KIF11: variants seen among roughly 807,000 people sequenced by gnomAD.
KIF11 encodes the protein kinesin-like protein KIF11.
KIF11 carries 9 observed loss-of-function variants against 121.0 expected under a neutral mutation model. The observed-to-expected ratio is 0.07, with a 90% CI of 0.04 to 0.13. KIF11 has a LOEUF of 0.13. Ranked by LOEUF, KIF11 falls within the 10% of genes least tolerant of loss-of-function variation. The pLI is 1.00. For missense variants in KIF11, 846 were observed against 1,217.5 expected, an observed-to-expected ratio of 0.69 and a Z score of 4.54; for synonymous variants, 408 against 421.0, an observed-to-expected ratio of 0.97 and a Z score of 0.38.
intron 1 of KIF11, among the ~76,000 whole-genome samples, chr10:92,600,608 A>T (rs1357354547): frequency 6.6e-6 from 1 of 151,854 alleles, no homozygotes; most frequent in African/African-American, 2.4e-5. Flanking sequence ...CCTGGGTTCA[A>T]GCGATTCTCC....
intron 9 of KIF11, among the ~76,000 whole-genome samples, chr10:92,620,618 C>A (rs1373236587): frequency 5.3e-5 from 8 of 152,176 alleles, no homozygotes; most frequent in African/African-American, 1.9e-4. Context: ...ATACCCGAGA[C>A]TGGGCAATTT....
intron 16 of KIF11, among the ~76,000 whole-genome samples, chr10:92,639,380 G>T (rs1349255402): frequency 6.6e-6 from 1 of 152,088 alleles, no homozygotes. Flanking sequence ...TTGAGGCTAG[G>T]AGTTCAAGAC....
intron 1 of KIF11, among the ~76,000 whole-genome samples, chr10:92,602,825 C>CATGT (rs1457102223): frequency 1.7e-4 from 21 of 122,438 alleles, no homozygotes; most frequent in East Asian, 7.0e-4. Flanking sequence ...CACACACACA[C>CATGT]GTGTGTGTGT....
intron 6 of KIF11, 69 bp downstream of exon 6, chr10:92,609,578 C>T: frequency 6.7e-7 from 1 of 1,497,124 alleles, no homozygotes. Context: ...TGGAGAAAGT[C>T]AAATTGGGGT....
intron 21 of KIF11, among the ~76,000 whole-genome samples, chr10:92,650,861 C>T (rs978257942): frequency 4.6e-5 from 7 of 152,020 alleles, no homozygotes; most frequent in African/African-American, 1.7e-4. Flanking sequence ...TATCTCTGCC[C>T]ATAATCAGAC....
chr10:92,649,955 G>A lies in KIF11; in HGVS notation c.2891G>A (p.Cys964Tyr), dbSNP rs1188675378. ...CCTGAGCTGTTAATGATGCTAAACT[G>A]TTCAGAAAACAACAAAGAAGAGACA... Reference protein sequence around the residue: ...KQPELLMMLNCSENNKEETIP... With the variant: ...KQPELLMMLNYSENNKEETIP... Residue 964 changes from cysteine (C) to tyrosine (Y), a missense_variant, in exon 20 of 22, where the codon TGT becomes TAT. Coordinates refer to ENST00000260731, the MANE Select transcript of KIF11 (RefSeq NM_004523.4). The A allele has an allele frequency of 1.4e-5, 23 of 1,611,742 alleles. No homozygotes were observed. The Admixed American group carries it at 3.3e-4, about 23-fold the overall frequency.
intron 1 of KIF11, among the ~76,000 whole-genome samples, chr10:92,594,075 T>C (rs1844264536): frequency 6.6e-6 from 1 of 152,208 alleles, no homozygotes; most frequent in South Asian, 2.1e-4. Flanking sequence ...CTCCCCTGAC[T>C]GGTTTCCAAA....
At chr10:92,637,107 TTAAGA>T in intron 14 of KIF11, 72 bp from the exon 15 acceptor site, 5 of 1,113,428 alleles carry the variant, frequency 4.5e-6, no homozygotes, top group Non-Finnish European at 6.3e-6. Flanking sequence ...ACCAAAGTAT[TTAAGA>T]TATCATTTAG....
chr10:92,639,717 T>C, intron 16 of KIF11, 77 bp from the exon 17 acceptor site: 2 of 766,500 alleles, frequency 2.6e-6, no homozygotes, highest in East Asian at 2.5e-5. Flanking sequence ...ACAATACTTC[T>C]TGTTTTGTTA....
At chr10:92,600,688 G>A (rs1164200768) in intron 1 of KIF11, among the ~76,000 whole-genome samples, 1 of 151,680 alleles carries the variant, frequency 6.6e-6, no homozygotes, top group Non-Finnish European at 1.5e-5. Context: ...TGTAGTTTTA[G>A]TAGAGACAGG....
intron 1 of KIF11, among the ~76,000 whole-genome samples, chr10:92,605,684 G>C (rs11812310): frequency 0.15 from 22,654 of 151,898 alleles, 3,594 homozygotes; most frequent in African/African-American, 0.4. Flanking sequence ...CAGAGTTTCT[G>C]CATGTTGGTC....
At chr10:92,603,972 T>G (rs915930760) in intron 1 of KIF11, among the ~76,000 whole-genome samples, 1 of 152,308 alleles carries the variant, frequency 6.6e-6, no homozygotes, top group South Asian at 2.1e-4. Context: ...ACATAGTAAG[T>G]ACTTGATGAA....
chr10:92,633,571 A>T, intron 13 of KIF11, 52 bp from the exon 14 acceptor site: 1 of 1,264,660 alleles, frequency 7.9e-7, no homozygotes, highest in Non-Finnish European at 1.1e-6. Context: ...TTTGAACGGT[A>T]TTTAATATAT....
chr10:92,653,650 G>T lies in KIF11; in HGVS notation c.3040-15G>T, dbSNP rs200996780. On this transcript the variant is annotated splice_polypyrimidine_tract_variant and intron_variant, in intron 21 of 21. Coordinates refer to ENST00000260731, the MANE Select transcript of KIF11 (RefSeq NM_004523.4). ...TACTTTGTATTGACTTAATTTTCCC[G>T]CCTTAAATCCACAGCATAAAAAATC... 235 of 1,604,206 alleles carry T rather than the reference G, an allele frequency of 1.5e-4. No individual in the cohort carries two copies. Among genetic ancestry groups the T allele is most frequent in the Non-Finnish European group, 2.0e-5 (24 of 1,175,190 alleles).
In KIF11 at chr10:92,621,596, T is replaced by TTGTGTGTGTGTGTGTGTGTGTG. The variant is rs374159901; in HGVS notation, c.1217+138_1217+139insGTGTGTGTGTGTGTGTGTGTGT. 0.013 allele frequency: 7,762 copies of TTGTGTGTGTGTGTGTGTGTGTG among 595,748 alleles called. 444 individuals are homozygous for TTGTGTGTGTGTGTGTGTGTGTG. The highest frequency in any genetic ancestry group is 0.12 in the African/African-American group (6,217 of 51,008). 36.9% of individuals were successfully genotyped at this position (595,748 alleles called of 1,614,324 possible). A position where few individuals can be genotyped will look rare whatever the true frequency, so the allele number is the denominator to read the frequency against. ...ATCCAGTGCCGATAAATACTTCATTTTGTGTGTGTGTGTGTTTTCTTTTGA... is the reference window on the plus strand; with the variant it reads ...ATCCAGTGCCGATAAATACTTCATTTTGTGTGTGTGTGTGTGTGTGTGTGTGTGTGTGTGTGTTTTCTTTTGA... On this transcript the variant is annotated intron_variant, in intron 10 of 21. Transcript: ENST00000260731.
At position 92,632,609 on chromosome 10, in the gene KIF11, A is replaced by C; in HGVS notation, c.1618A>C (p.Ser540Arg). Residue 540 changes from serine (S) to arginine (R), a missense_variant, in exon 13 of 22, where the codon AGT becomes CGT. By Grantham distance (110) the Ser-to-Arg change is moderately radical (BLOSUM62 -1). This residue lies in a region of KIF11 where 492 missense variants were observed against 603.4 expected (regional missense o/e 0.82). Transcript: ENST00000260731. ...AQDIFGKNLN[S>R]LFNNMEELIK... Reference sequence around the variant, plus strand: ...GGATATTTTTGGCAAAAACCTGAATAGTCTGTTTAATAATATGGAAGAATT... The same window carrying C: ...GGATATTTTTGGCAAAAACCTGAATCGTCTGTTTAATAATATGGAAGAATT... The C allele has an allele frequency of 6.2e-7, 1 of 1,613,692 alleles. No homozygotes were observed. Among genetic ancestry groups the C allele is most frequent in the Non-Finnish European group, 8.5e-7 (1 of 1,179,676 alleles).
intron 10 of KIF11, among the ~76,000 whole-genome samples, chr10:92,622,681 T>C (rs1203896636): frequency 3.9e-5 from 6 of 152,064 alleles, no homozygotes; most frequent in Non-Finnish European, 7.4e-5. Context: ...ATATCAAAGC[T>C]GGGAAGTTGA....
chr10:92,636,603 T>G (rs920732784), intron 14 of KIF11, among the ~76,000 whole-genome samples: 1 of 149,560 alleles, frequency 6.7e-6, no homozygotes, highest in African/African-American at 2.5e-5. Flanking sequence ...GCCACGAGAG[T>G]GAAACTATAT....
intron 8 of KIF11, among the ~76,000 whole-genome samples, chr10:92,614,021 TACACACACACAC>T (rs71028831): frequency 0.04 from 5,078 of 126,902 alleles, 157 homozygotes; most frequent in Admixed American, 0.065. Flanking sequence ...AGTATGTGTA[TACACACACACAC>T]ACACACACAC....
Sources: gnomAD v4.1 joint callset for allele counts (sites outside exome capture counted in the v4.1 genomes callset) on GRCh38, gnomAD v4.1.1 for gene constraint, gnomAD v4.1.1 regional missense constraint, MANE v1.5 for transcripts, NCBI Gene and HGNC (gene_info 2026-07-23, HGNC 2026-07-21) for gene names.